The following PPP2R5E variants were observed in gnomAD, a reference collection of about 807,000 sequenced individuals.
PPP2R5E encodes protein phosphatase 2 regulatory subunit B'epsilon, also known as serine/threonine-protein phosphatase 2A 56 kDa regulatory subunit epsilon isoform.
In PPP2R5E, 4 loss-of-function variants were observed where a neutral mutation model predicts 65.3. The ratio of observed to expected loss-of-function variants is 0.06; its 90% CI spans 0.03 to 0.14. The LOEUF is 0.14. Among genes scored for constraint, PPP2R5E ranks in the 10% least tolerant of loss-of-function variants. The pLI, the probability that PPP2R5E is intolerant of heterozygous loss-of-function variation, is 1.00. For missense variants in PPP2R5E, 274 were observed against 556.1 expected, an observed-to-expected ratio of 0.49 and a Z score of 5.10; for synonymous variants, 183 against 187.4, an observed-to-expected ratio of 0.98 and a Z score of 0.19.
At chr14:63,492,410 T>C (rs1338880823) in intron 2 of PPP2R5E, among the ~76,000 whole-genome samples, 2 of 152,066 alleles carry the variant, frequency 1.3e-5, no homozygotes, top group African/African-American at 4.8e-5. Context: ...TTAAACCAAA[T>C]ATAAAGGTGG....
chr14:63,487,356 C>T (rs963169220), intron 2 of PPP2R5E, among the ~76,000 whole-genome samples: 2 of 152,052 alleles, frequency 1.3e-5, no homozygotes, highest in African/African-American at 4.8e-5. Flanking sequence ...ATTTACCACC[C>T]CCCCCTCTTA....
At chr14:63,417,028 A>C (rs993051325) in intron 4 of PPP2R5E, among the ~76,000 whole-genome samples, 2 of 152,234 alleles carry the variant, frequency 1.3e-5, no homozygotes, top group Non-Finnish European at 2.9e-5. Context: ...GTTGCAACAC[A>C]GAATCTGAAA....
At chr14:63,440,705 G>A (rs758496071) in intron 3 of PPP2R5E, among the ~76,000 whole-genome samples, 16 of 151,122 alleles carry the variant, frequency 1.1e-4, no homozygotes, top group South Asian at 4.2e-4. Context: ...TTGGGAGGCC[G>A]AGGCAGGCGC....
In PPP2R5E at chr14:63,395,291, A is replaced by T. The variant is rs191740389; in HGVS notation, c.681-6T>A. 1 of 1,595,398 alleles carries T rather than the reference A, an allele frequency of 6.3e-7. No homozygotes were observed. Among genetic ancestry groups the T allele is most frequent in the Non-Finnish European group, 8.6e-7 (1 of 1,165,016 alleles). ...GTTCTGTTTCATAAACAAACCTGAG[A>T]GAAGAGGAGAAAAGGGAGGAGAAAG... On this transcript the variant is annotated splice_region_variant and splice_polypyrimidine_tract_variant and intron_variant, in intron 6 of 13. Transcript: ENST00000337537.
In PPP2R5E at chr14:63,391,394, A is replaced by AGTTTTGTTTTGTTTT. The variant is rs150324955; in HGVS notation, c.954+422_954+423insAAAACAAAACAAAAC. On this transcript the variant is annotated intron_variant, in intron 10 of 13. Coordinates refer to ENST00000337537, the MANE Select transcript of PPP2R5E (RefSeq NM_006246.5). ...CAATGAGGTTTAAATGAGATGATGC[A>AGTTTTGTTTTGTTTT]GTTTTGCTTTGTTTTGTTTTGTTTT... Among the ~76,000 whole-genome samples the AGTTTTGTTTTGTTTT allele has an allele frequency of 8.0e-3, 1,193 of 149,094 alleles. 11 individuals are homozygous for AGTTTTGTTTTGTTTT. Among genetic ancestry groups the AGTTTTGTTTTGTTTT allele is most frequent in the East Asian group, 0.023 (113 of 5,018 alleles).
intron 2 of PPP2R5E, among the ~76,000 whole-genome samples, chr14:63,496,878 TAC>T (rs1233895364): frequency 2.7e-5 from 4 of 147,490 alleles, no homozygotes; most frequent in Non-Finnish European, 5.9e-5. Flanking sequence ...TTTATCTGGG[TAC>T]ACAGTTTAAA....
At chr14:63,463,169 C>A (rs960254238) in intron 2 of PPP2R5E, among the ~76,000 whole-genome samples, 1 of 151,114 alleles carries the variant, frequency 6.6e-6, no homozygotes, top group East Asian at 2.0e-4. Context: ...TAGGCAGAGT[C>A]TCGCCCTGTC....
At chr14:63,448,363 A>G (rs1404683415) in intron 3 of PPP2R5E, among the ~76,000 whole-genome samples, 3 of 152,248 alleles carry the variant, frequency 2.0e-5, no homozygotes, top group East Asian at 1.9e-4. Context: ...ACAGATCACT[A>G]TAACAGATAT....
chr14:63,469,125 A>G (rs1889984003), intron 2 of PPP2R5E, among the ~76,000 whole-genome samples: 2 of 152,230 alleles, frequency 1.3e-5, no homozygotes, highest in South Asian at 2.1e-4. Flanking sequence ...TTTACATGCC[A>G]GGCACTAGTC....
At chr14:63,434,788 T>C (rs1887873751) in intron 3 of PPP2R5E, among the ~76,000 whole-genome samples, 1 of 152,230 alleles carries the variant, frequency 6.6e-6, no homozygotes, top group Non-Finnish European at 1.5e-5. Context: ...TTGGAGTTTT[T>C]GTTAACTCTT....
At chr14:63,438,827 A>G (rs1164638774) in intron 3 of PPP2R5E, among the ~76,000 whole-genome samples, 1 of 152,190 alleles carries the variant, frequency 6.6e-6, no homozygotes, top group African/African-American at 2.4e-5. Flanking sequence ...ATTCCTTAAG[A>G]GAGAATGATT....
At chr14:63,541,324 A>G (rs1230400182) in intron 1 of PPP2R5E, among the ~76,000 whole-genome samples, 2 of 152,254 alleles carry the variant, frequency 1.3e-5, no homozygotes, top group Non-Finnish European at 2.9e-5. Flanking sequence ...ATAAATTCAC[A>G]GCCTACTGAA....
intron 1 of PPP2R5E, 52 bp downstream of exon 1, chr14:63,542,727 C>G (rs1273037857): frequency 1.3e-5 from 2 of 153,474 alleles, no homozygotes; most frequent in Non-Finnish European, 2.9e-5. Flanking sequence ...CCAGGAGGAC[C>G]GGGAGGAAGA....
At chr14:63,497,002 C>G (rs1187930096) in intron 2 of PPP2R5E, among the ~76,000 whole-genome samples, 1 of 151,958 alleles carries the variant, frequency 6.6e-6, no homozygotes, top group Non-Finnish European at 1.5e-5. Context: ...GCCTTTAAAC[C>G]ACCCCAGTAC....
chr14:63,524,885 T>C (rs940053127), intron 2 of PPP2R5E, among the ~76,000 whole-genome samples: 5 of 152,214 alleles, frequency 3.3e-5, no homozygotes, highest in African/African-American at 1.2e-4. Flanking sequence ...TCGTAATTTT[T>C]AGAGTACTTG....
intron 6 of PPP2R5E, 76 bp from the exon 7 acceptor site, chr14:63,395,361 G>A (rs1885265367): frequency 1.1e-6 from 1 of 929,422 alleles, no homozygotes; most frequent in Non-Finnish European, 1.7e-6. Flanking sequence ...AGGAGGAGGA[G>A]GAGGAGAAGG....
chr14:63,444,535 T>G (rs1295025735), intron 3 of PPP2R5E, among the ~76,000 whole-genome samples: 1 of 151,928 alleles, frequency 6.6e-6, no homozygotes, highest in African/African-American at 2.4e-5. Context: ...CATTAAGAAT[T>G]AACTAAAACA....
intron 8 of PPP2R5E, among the ~76,000 whole-genome samples, chr14:63,393,267 A>G (rs1416044714): frequency 2.6e-5 from 4 of 152,256 alleles, no homozygotes; most frequent in Non-Finnish European, 5.9e-5. Flanking sequence ...GGAAAGTCAT[A>G]TAAGTTCTCT....
intron 8 of PPP2R5E, among the ~76,000 whole-genome samples, chr14:63,392,865 C>A (rs529667241): frequency 1.3e-5 from 2 of 152,334 alleles, no homozygotes; most frequent in African/African-American, 4.8e-5. Flanking sequence ...TATTTAAAAT[C>A]TTCCTATCCA....
Sources: allele counts gnomAD v4.1 joint callset (sites outside exome capture counted in the v4.1 genomes callset), GRCh38; gene constraint gnomAD v4.1.1; transcripts MANE v1.5; gene names NCBI Gene and HGNC (gene_info 2026-07-23, HGNC 2026-07-21).